MYO18A: variants seen among roughly 807,000 people sequenced by gnomAD.
MYO18A encodes the protein myosin XVIIIA.
Under a neutral mutation model 235.8 loss-of-function variants are expected in MYO18A, and 78 were observed. The ratio of observed to expected loss-of-function variants is 0.33; its 90% CI spans 0.28 to 0.40. The LOEUF (loss-of-function observed/expected upper bound fraction) is 0.40. MYO18A is among the 10% of genes least tolerant of loss of function. The pLI, the probability that MYO18A is intolerant of heterozygous loss-of-function variation, is 1.00. For missense variants in MYO18A, 2,215 were observed against 2,699.3 expected (o/e 0.82, Z 3.98); for synonymous variants, 977 against 1,077.8 (o/e 0.91, Z 1.83).
rs2065933609 is a variant in MYO18A at position 29,074,725 on chromosome 17, A to G, written c.*45T>C. 6.2e-7 allele frequency: 1 copy of G among 1,600,626 alleles called. No individual in the cohort carries two copies. The highest frequency in any genetic ancestry group is 8.6e-7 in the Non-Finnish European group (1 of 1,168,724). On this transcript the variant is annotated 3_prime_UTR_variant, in exon 42 of 42. Coordinates refer to ENST00000527372, the MANE Select transcript of MYO18A (RefSeq NM_078471.4). The surrounding 1 kb of genome is among the most constrained non-coding windows in gnomAD (Gnocchi z 4.4). ...CACTTCCTGGGAGAGGTGCCCAGGCAGCCACAGGCCCTGGGGTGAGAGGGC... is the reference window on the plus strand; with the variant it reads ...CACTTCCTGGGAGAGGTGCCCAGGCGGCCACAGGCCCTGGGGTGAGAGGGC...
intron 2 of MYO18A, among the ~76,000 whole-genome samples, chr17:29,146,937 A>T (rs1436080553): frequency 2.6e-5 from 4 of 152,254 alleles, no homozygotes; most frequent in African/African-American, 9.6e-5. Context: ...CAAAGGAACA[A>T]GAAGGTACAC....
intron 19 of MYO18A, among the ~76,000 whole-genome samples, chr17:29,108,015 T>C (rs1367292087): frequency 5.9e-5 from 9 of 151,766 alleles, no homozygotes; most frequent in Non-Finnish European, 1.2e-4. Flanking sequence ...TCATGTGACC[T>C]TGGGCCAGTC....
chr17:29,091,659 T>C (rs764961968), intron 34 of MYO18A: 2 of 454,980 alleles, frequency 4.4e-6, no homozygotes. Flanking sequence ...ACAAATGTCA[T>C]GGGGATAAAT....
intron 40 of MYO18A, among the ~76,000 whole-genome samples, chr17:29,084,712 A>C (rs1162324223): frequency 6.6e-6 from 1 of 151,950 alleles, no homozygotes; most frequent in Admixed American, 6.6e-5. Context: ...GCTCTCACTG[A>C]GTCCTGTGCG....
At chr17:29,115,524 TCA>T in intron 12 of MYO18A, 83 bp from the exon 13 acceptor site, 1 of 1,520,972 alleles carries the variant, frequency 6.6e-7, no homozygotes, top group Non-Finnish European at 8.9e-7. Flanking sequence ...CAGGGCCCAG[TCA>T]GCACGGGGCC....
At chr17:29,091,172 T>C in intron 34 of MYO18A, 1 of 501,994 alleles carries the variant, frequency 2.0e-6, no homozygotes, top group African/African-American at 1.9e-5. Flanking sequence ...AGCTGCTTCC[T>C]GGCAGCTCCT....
chr17:29,082,587 T>G, intron 40 of MYO18A, 149 bp from the exon 41 acceptor site: 2 of 735,090 alleles, frequency 2.7e-6, no homozygotes, highest in Non-Finnish European at 2.2e-6. Context: ...TGAGAGAGGT[T>G]AGACAGAGCA....
chr17:29,123,205 G>T (rs1419562951), intron 2 of MYO18A, among the ~76,000 whole-genome samples: 3 of 152,212 alleles, frequency 2.0e-5, no homozygotes, highest in Non-Finnish European at 4.4e-5. Flanking sequence ...GGTGTCTGGG[G>T]GAGCTGGGGA....
intron 41 of MYO18A, chr17:29,080,773 T>C (rs1446690962): frequency 3.0e-6 from 3 of 985,266 alleles, no homozygotes; most frequent in Non-Finnish European, 3.6e-6. Flanking sequence ...GCCGCACTCC[T>C]CCGGCTCCTC....
At chr17:29,124,246 G>A (rs1307847060) in intron 2 of MYO18A, among the ~76,000 whole-genome samples, 1 of 152,182 alleles carries the variant, frequency 6.6e-6, no homozygotes, top group East Asian at 1.9e-4. Context: ...GCCAGGAGGT[G>A]GAGACAGAGA....
At chr17:29,154,101 A>AGTGTGT (rs61393170) in intron 2 of MYO18A, among the ~76,000 whole-genome samples, 5 of 150,388 alleles carry the variant, frequency 3.3e-5, no homozygotes, top group East Asian at 2.0e-4. Flanking sequence ...AATTCTGCAG[A>AGTGTGT]GTGTGTGTGT....
In MYO18A at chr17:29,103,474, A is replaced by G. The variant is rs1006246649; in HGVS notation, c.3507+125T>C. The G allele has an allele frequency of 4.2e-6, 4 of 954,456 alleles. No individual in the cohort carries two copies. The South Asian group carries it at 5.8e-5, about 14-fold the overall frequency. The allele number at this position is 954,456 out of a possible 1,614,324, so 59.1% of individuals were successfully genotyped here. A position where few individuals can be genotyped will look rare whatever the true frequency, so the allele number is the denominator to read the frequency against. ...GGCTGGGCGGGGTGGAGCTGGGGGCAAGACTCAGAGGGCACCAGGAGACTG... is the reference window on the plus strand; with the variant it reads ...GGCTGGGCGGGGTGGAGCTGGGGGCGAGACTCAGAGGGCACCAGGAGACTG... On this transcript the variant is annotated intron_variant, in intron 21 of 41. Coordinates refer to ENST00000527372, the MANE Select transcript of MYO18A (RefSeq NM_078471.4).
rs747542170 is a variant in MYO18A, at chr17:29,090,821, C to T, written c.5293G>A (p.Ala1765Thr). The T allele has an allele frequency of 6.2e-7, 1 of 1,613,900 alleles. No individual in the cohort carries two copies. The highest frequency in any genetic ancestry group is 1.1e-5 in the South Asian group (1 of 91,072). Residue 1765 changes from alanine to threonine, a missense_variant, in exon 35 of 42, where the codon GCC becomes ACC. Coordinates refer to ENST00000527372, the MANE Select transcript of MYO18A (RefSeq NM_078471.4). ...MNELMKKHKAAVAQASRDLAQ... is the reference protein window; with the variant it reads ...MNELMKKHKATVAQASRDLAQ... ...CCTGGCAGGGGTACCTGAGCCACGG[C>T]AGCCTTGTGCTTCTTCATCAATTCG... is the stretch of plus-strand genomic sequence containing the variant.
At chr17:29,096,677 T>C in intron 28 of MYO18A, 84 bp downstream of exon 28, 3 of 1,417,614 alleles carry the variant, frequency 2.1e-6, no homozygotes, top group Non-Finnish European at 2.8e-6. Context: ...TCCTTCCTTC[T>C]TTCCTCCCTG....
chr17:29,142,965 G>A (rs2067772834), intron 2 of MYO18A, among the ~76,000 whole-genome samples: 1 of 152,072 alleles, frequency 6.6e-6, no homozygotes, highest in African/African-American at 2.4e-5. Flanking sequence ...GCGCCACCAC[G>A]CCCAGCTAAT....
At chr17:29,142,887 A>G (rs185363365) in intron 2 of MYO18A, among the ~76,000 whole-genome samples, 1,585 of 152,318 alleles carry the variant, frequency 0.01, 30 homozygotes, top group African/African-American at 0.036. Context: ...GGCTCACTGC[A>G]ACCTCCGCCT....
intron 2 of MYO18A, among the ~76,000 whole-genome samples, chr17:29,164,944 T>A (rs528449412): frequency 6.6e-6 from 1 of 152,324 alleles, no homozygotes; most frequent in South Asian, 2.1e-4. Context: ...ATGCTTTTTC[T>A]CCTTCCAGGA....
At position 29,098,903 on chromosome 17, in the gene MYO18A, G is replaced by A; in HGVS notation, c.3703C>T (p.Pro1235Ser). The A allele has an allele frequency of 6.2e-7, 1 of 1,613,886 alleles. No individual in the cohort carries two copies. ...ACTGTGGTAAAAAGCTTCCACCAGG[G>A]CCAGTCCTTCACCCCTTTGTTCTTC... The part of the protein sequence containing the change: ...IKKNKGVKDW[P>S]WWKLFTTVRP... The change falls in exon 23 of 42, where the codon CCC (proline) becomes TCC (serine). Residue 1235 changes from proline to serine, a missense_variant. Pro to Ser is a moderately conservative substitution (Grantham distance 74, BLOSUM62 -1). Transcript: ENST00000527372.
chr17:29,083,529 C>T (rs542505866), intron 40 of MYO18A, among the ~76,000 whole-genome samples: 3 of 78,032 alleles, frequency 3.8e-5, no homozygotes, highest in East Asian at 2.9e-3. Context: ...TGTGCGCGCG[C>T]GCGCACACAC....
Sources: gnomAD v4.1 joint callset for allele counts (sites outside exome capture counted in the v4.1 genomes callset) on GRCh38, gnomAD v4.1.1 for gene constraint, Gnocchi (gnomAD v3.1) non-coding constraint, MANE v1.5 for transcripts, NCBI Gene and HGNC (gene_info 2026-07-23, HGNC 2026-07-21) for gene names.